Variants in SOBP observed in about 807,000 individuals in gnomAD.
SOBP encodes sine oculis-binding protein homolog.
SOBP carries 4 observed loss-of-function variants against 53.6 expected under a neutral mutation model. That is an observed-to-expected ratio of 0.07 (90% CI 0.04 to 0.17). The LOEUF (loss-of-function observed/expected upper bound fraction) is 0.17, where lower values mean the gene tolerates loss of function less well. Among genes scored for constraint, SOBP ranks in the 10% least tolerant of loss-of-function variants. The pLI is 1.00. For synonymous variants in SOBP, 584 were observed against 522.6 expected, an observed-to-expected ratio of 1.12 and a Z score of -1.60; for missense variants, 1,088 against 1,204.7, an observed-to-expected ratio of 0.90 and a Z score of 1.43.
At chr6:107,561,176 T>A (rs1345561268) in intron 4 of SOBP, among the ~76,000 whole-genome samples, 2 of 152,100 alleles carry the variant, frequency 1.3e-5, no homozygotes, top group African/African-American at 4.8e-5. Flanking sequence ...GGTAGATGGA[T>A]GTTAAGGTGA....
In SOBP at chr6:107,587,088, T is replaced by C; in HGVS notation, c.582T>C (p.Asp194=). The change falls in exon 5 of 7, where the codon GAT becomes GAC. Residue 194 remains aspartate (D), a synonymous_variant. Coordinates refer to ENST00000317357, the MANE Select transcript of SOBP (RefSeq NM_018013.4). ...RAYFKRNKAR[D]EDGHAENFPQ... is the part of the protein sequence containing the mutation. ...ATTATATTTCCCTTCAGGCTAGAGA[T>C]GAAGATGGACATGCTGAAAATTTTC... The C allele has an allele frequency of 5.0e-6, 8 of 1,613,486 alleles. No individual in the cohort carries two copies. Among genetic ancestry groups the C allele is most frequent in the Non-Finnish European group, 6.8e-6 (8 of 1,179,610 alleles).
At chr6:107,657,703 T>C (rs78020060) in intron 6 of SOBP, among the ~76,000 whole-genome samples, 7,749 of 152,020 alleles carry the variant, frequency 0.051, 643 homozygotes, top group African/African-American at 0.18. Context: ...TGGGGCTGGA[T>C]GCGGTGGTTC....
rs891915949 is a variant in SOBP at position 107,533,802 on chromosome 6, C to T, written c.573+192C>T. On this transcript the variant is annotated intron_variant, in intron 4 of 6. Transcript: ENST00000317357. Reference sequence around the variant, plus strand: ...AGGAATCCCCTTCTAATGTGTTTCTCTTGGCTTAGTGTTTGTGTTCTGAGA... The same window carrying T: ...AGGAATCCCCTTCTAATGTGTTTCTTTTGGCTTAGTGTTTGTGTTCTGAGA... 3.3e-5 allele frequency among the ~76,000 whole-genome samples: 5 copies of T among 152,164 alleles called. No homozygotes were observed. In the South Asian group the frequency reaches 1.0e-3, roughly 32 times the overall value.
At chr6:107,510,149 C>G (rs902111734) in intron 3 of SOBP, among the ~76,000 whole-genome samples, 1 of 152,126 alleles carries the variant, frequency 6.6e-6, no homozygotes, top group Non-Finnish European at 1.5e-5. Flanking sequence ...AACTACAGAG[C>G]TCTTCTGTTG....
At chr6:107,549,278 A>G (rs1162674829) in intron 4 of SOBP, among the ~76,000 whole-genome samples, 2 of 152,030 alleles carry the variant, frequency 1.3e-5, no homozygotes, top group African/African-American at 4.8e-5. Context: ...AAAACAAACA[A>G]ACAAACAACA....
intron 5 of SOBP, among the ~76,000 whole-genome samples, chr6:107,596,227 G>A (rs1265043751): frequency 6.6e-6 from 1 of 151,718 alleles, no homozygotes; most frequent in Admixed American, 6.6e-5. Context: ...AGAAATGGGA[G>A]TCATATATTA....
intron 3 of SOBP, among the ~76,000 whole-genome samples, chr6:107,507,474 T>G (rs1258837117): frequency 6.6e-6 from 1 of 151,852 alleles, no homozygotes; most frequent in African/African-American, 2.4e-5. Context: ...CCTGGCTAAT[T>G]TTTGTATTTT....
At chr6:107,610,821 CACAT>C (rs1298471083) in intron 5 of SOBP, among the ~76,000 whole-genome samples, 3 of 151,802 alleles carry the variant, frequency 2.0e-5, no homozygotes, top group South Asian at 2.1e-4. Context: ...CACACACACA[CACAT>C]ACACACACCA....
At chr6:107,502,030 G>A (rs887272737) in intron 1 of SOBP, among the ~76,000 whole-genome samples, 3 of 152,102 alleles carry the variant, frequency 2.0e-5, no homozygotes, top group Non-Finnish European at 2.9e-5. Flanking sequence ...TGACCCAGTT[G>A]GAGTTCAGAG....
At chr6:107,608,023 G>A (rs1786452708) in intron 5 of SOBP, among the ~76,000 whole-genome samples, 1 of 152,188 alleles carries the variant, frequency 6.6e-6, no homozygotes, top group South Asian at 2.1e-4. Flanking sequence ...TACTTTCTTT[G>A]GGTTGTGAAT....
chr6:107,622,484 A>G (rs943653390), intron 5 of SOBP, among the ~76,000 whole-genome samples: 3 of 152,248 alleles, frequency 2.0e-5, no homozygotes, highest in Non-Finnish European at 2.9e-5. Flanking sequence ...AAGAGTAAAC[A>G]AAGACATTAG....
intron 1 of SOBP, among the ~76,000 whole-genome samples, chr6:107,497,697 C>T (rs1782737089): frequency 6.6e-6 from 1 of 152,084 alleles, no homozygotes; most frequent in Admixed American, 6.6e-5. Context: ...AAAAATGTAT[C>T]TACAGTATAT....
chr6:107,541,160 T>C (rs983962460), intron 4 of SOBP, among the ~76,000 whole-genome samples: 1 of 152,206 alleles, frequency 6.6e-6, no homozygotes, highest in African/African-American at 2.4e-5. Flanking sequence ...TGGTTGAGGG[T>C]TAACCACTCC....
At chr6:107,626,827 G>A (rs1160178309) in intron 5 of SOBP, among the ~76,000 whole-genome samples, 2 of 151,496 alleles carry the variant, frequency 1.3e-5, no homozygotes, top group Non-Finnish European at 3.0e-5. Context: ...CCCCAGGCAG[G>A]GTCGTCACTG....
rs575903634 is a variant in SOBP, at chr6:107,613,825, C to T, written c.670-19689C>T. Among the ~76,000 whole-genome samples, 4 of 152,256 alleles carry T rather than the reference C, an allele frequency of 2.6e-5. No homozygotes were observed. The South Asian group carries it at 8.3e-4, about 32-fold the overall frequency. ...TAGAAGCTTAAAACAGTATGCCTTT[C>T]AGAGATATTTGGGTTTTTAACAGGG... On this transcript the variant is annotated intron_variant, in intron 5 of 6. Transcript: ENST00000317357.
intron 5 of SOBP, among the ~76,000 whole-genome samples, chr6:107,611,604 G>A (rs1342729885): frequency 2.0e-5 from 3 of 152,196 alleles, no homozygotes; most frequent in South Asian, 2.1e-4. Flanking sequence ...CTGTGTGGCC[G>A]GGCCAGCATT....
intron 5 of SOBP, among the ~76,000 whole-genome samples, chr6:107,621,759 T>A (rs1770191541): frequency 6.6e-6 from 1 of 152,202 alleles, no homozygotes; most frequent in Admixed American, 6.5e-5. Flanking sequence ...AAGCTGAGCC[T>A]AGGGCTAAAA....
chr6:107,496,217 T>G (rs1335936740), intron 1 of SOBP, among the ~76,000 whole-genome samples: 1 of 152,202 alleles, frequency 6.6e-6, no homozygotes, highest in Non-Finnish European at 1.5e-5. Flanking sequence ...CTTGGTGATT[T>G]TTTAAGGCAG....
chr6:107,623,282 C>T (rs1770293371), intron 5 of SOBP, among the ~76,000 whole-genome samples: 1 of 152,112 alleles, frequency 6.6e-6, no homozygotes, highest in Admixed American at 6.5e-5. Context: ...GAGCTGAACC[C>T]TTAGGGGAAT....
Sources: allele counts gnomAD v4.1 joint callset (sites outside exome capture counted in the v4.1 genomes callset), GRCh38; gene constraint gnomAD v4.1.1; transcripts MANE v1.5; gene names NCBI Gene and HGNC (gene_info 2026-07-23, HGNC 2026-07-21).